KCNB2: variants seen among roughly 807,000 people sequenced by gnomAD.
The protein encoded by KCNB2 is potassium voltage-gated channel subfamily B member 2.
A neutral mutation model predicts 61.5 loss-of-function variants in KCNB2; 15 were observed. That is an observed-to-expected ratio of 0.24 (90% CI 0.16 to 0.38). The LOEUF is 0.38. Ranked by LOEUF, KCNB2 falls within the 10% of genes least tolerant of loss-of-function variation. The pLI is 1.00. For missense variants in KCNB2, 828 were observed against 1,125.2 expected (o/e 0.74, Z 3.78); for synonymous variants, 457 against 446.0 (o/e 1.02, Z -0.31).
chr8:72,854,308 C>A (rs1237401804), intron 2 of KCNB2, among the ~76,000 whole-genome samples: 1 of 152,122 alleles, frequency 6.6e-6, no homozygotes, highest in Non-Finnish European at 1.5e-5. Flanking sequence ...TGAGATAATA[C>A]ACAGGTATCA....
chr8:72,717,376 C>G (rs1265483160), intron 2 of KCNB2, among the ~76,000 whole-genome samples: 1 of 152,104 alleles, frequency 6.6e-6, no homozygotes. Flanking sequence ...GCCAAAAGAA[C>G]AAAGCTGGAG....
rs147436264 is a variant in KCNB2 at position 72,657,234 on chromosome 8, A to G, written c.579+88921A>G. ...TTATACAGGAATTTAGCAAGATAAT[A>G]TACAACTAAAGAAGTATAAAGTACT... On this transcript the variant is annotated intron_variant, in intron 2 of 2. Transcript: ENST00000523207. Among the ~76,000 whole-genome samples, 803 of 152,314 alleles carry G rather than the reference A, an allele frequency of 5.3e-3. 10 individuals are homozygous for G. The highest frequency in any genetic ancestry group is 0.018 in the African/African-American group (755 of 41,560).
intron 2 of KCNB2, among the ~76,000 whole-genome samples, chr8:72,832,702 G>A (rs1263172334): frequency 6.6e-6 from 1 of 152,148 alleles, no homozygotes; most frequent in Admixed American, 6.5e-5. Flanking sequence ...CAGAGACAAA[G>A]GACTTTATTA....
intron 2 of KCNB2, among the ~76,000 whole-genome samples, chr8:72,826,370 A>C (rs2129001504): frequency 6.6e-6 from 1 of 152,324 alleles, no homozygotes. Flanking sequence ...TTGCATCCTA[A>C]TGAAAGTGCA....
At chr8:72,933,381 C>T (rs572782673) in intron 2 of KCNB2, among the ~76,000 whole-genome samples, 2 of 152,280 alleles carry the variant, frequency 1.3e-5, no homozygotes, top group South Asian at 4.1e-4. Flanking sequence ...AGGTGGAAGG[C>T]AATAGAATGG....
At chr8:72,709,777 T>C (rs1807294819) in intron 2 of KCNB2, among the ~76,000 whole-genome samples, 1 of 152,030 alleles carries the variant, frequency 6.6e-6, no homozygotes, top group Admixed American at 6.5e-5. Flanking sequence ...CCAAACCATA[T>C]CACCTTCTTA....
At chr8:72,620,408 A>C (rs1805697335) in intron 2 of KCNB2, among the ~76,000 whole-genome samples, 1 of 152,204 alleles carries the variant, frequency 6.6e-6, no homozygotes, top group Non-Finnish European at 1.5e-5. Context: ...AGTTAGTGCT[A>C]TCTAGAAGTA....
chr8:72,544,004 T>G (rs551887536), intron 1 of KCNB2, among the ~76,000 whole-genome samples: 1 of 152,170 alleles, frequency 6.6e-6, no homozygotes, highest in South Asian at 2.1e-4. Flanking sequence ...TGCTAAACAT[T>G]AGGGACATCC....
At chr8:72,678,769 C>A (rs1806704647) in intron 2 of KCNB2, among the ~76,000 whole-genome samples, 3 of 152,190 alleles carry the variant, frequency 2.0e-5, no homozygotes, top group South Asian at 2.1e-4. Flanking sequence ...GAGTGAATTA[C>A]TGAATGATCC....
chr8:72,716,566 T>C lies in KCNB2; in HGVS notation c.579+148253T>C, dbSNP rs538818703. 4.4e-3 allele frequency among the ~76,000 whole-genome samples: 677 copies of C among 152,268 alleles called. 7 individuals are homozygous for C. Among genetic ancestry groups the C allele is most frequent in the African/African-American group, 0.015 (630 of 41,550 alleles). On this transcript the variant is annotated intron_variant, in intron 2 of 2. Coordinates refer to ENST00000523207, the MANE Select transcript of KCNB2 (RefSeq NM_004770.3). ...AACAGAACCAAAGACAAAAACCACA[T>C]GATTATCTCAATAGATGCAGAAAAG...
intron 2 of KCNB2, among the ~76,000 whole-genome samples, chr8:72,896,750 T>C (rs1273986204): frequency 1.3e-5 from 2 of 152,252 alleles, no homozygotes; most frequent in East Asian, 3.9e-4. Context: ...AAATGACTGA[T>C]TTTCATATAC....
intron 2 of KCNB2, among the ~76,000 whole-genome samples, chr8:72,614,059 A>T (rs2128983623): frequency 6.6e-6 from 1 of 152,278 alleles, no homozygotes; most frequent in South Asian, 2.1e-4. Flanking sequence ...GCTAGGAAGG[A>T]TGAGGAAACG....
intron 2 of KCNB2, among the ~76,000 whole-genome samples, chr8:72,658,611 G>C (rs1308301106): frequency 6.6e-6 from 1 of 152,188 alleles, no homozygotes; most frequent in Non-Finnish European, 1.5e-5. Context: ...GGAAGAAAAT[G>C]CTATCTAGGA....
intron 2 of KCNB2, among the ~76,000 whole-genome samples, chr8:72,628,400 G>GTGTGT (rs869118528): frequency 1.6e-3 from 75 of 47,382 alleles, no homozygotes; most frequent in African/African-American, 4.4e-3. Flanking sequence ...CCTGTTAGGG[G>GTGTGT]GTGTGTGTGT....
intron 2 of KCNB2, among the ~76,000 whole-genome samples, chr8:72,688,204 C>A (rs1203498859): frequency 6.6e-6 from 1 of 152,162 alleles, no homozygotes; most frequent in African/African-American, 2.4e-5. Context: ...CGTGTACCTA[C>A]TTGAAATCCT....
intron 2 of KCNB2, among the ~76,000 whole-genome samples, chr8:72,861,486 G>A (rs1025780963): frequency 1.3e-5 from 2 of 152,126 alleles, no homozygotes; most frequent in Non-Finnish European, 2.9e-5. Flanking sequence ...TGGTTCAAGG[G>A]TGGGCAGCAG....
At chr8:72,704,331 C>T (rs1190991273) in intron 2 of KCNB2, among the ~76,000 whole-genome samples, 1 of 152,048 alleles carries the variant, frequency 6.6e-6, no homozygotes, top group African/African-American at 2.4e-5. Context: ...GTTAGTGTCC[C>T]AGTTTATAGA....
At chr8:72,713,023 T>A (rs1001802734) in intron 2 of KCNB2, among the ~76,000 whole-genome samples, 4 of 152,208 alleles carry the variant, frequency 2.6e-5, no homozygotes, top group African/African-American at 9.6e-5. Context: ...ATCCCACACA[T>A]GGCTTGGAGG....
intron 2 of KCNB2, among the ~76,000 whole-genome samples, chr8:72,687,535 C>A (rs149308419): frequency 6.6e-6 from 1 of 151,870 alleles, no homozygotes; most frequent in Non-Finnish European, 1.5e-5. Flanking sequence ...GGGGTCACAA[C>A]GATGGAACTC....
Sources: gnomAD v4.1 joint callset for allele counts (sites outside exome capture counted in the v4.1 genomes callset) on GRCh38, gnomAD v4.1.1 for gene constraint, MANE v1.5 for transcripts, NCBI Gene and HGNC (gene_info 2026-07-23, HGNC 2026-07-21) for gene names.